LIPC: variants seen among roughly 807,000 people sequenced by gnomAD.
The protein encoded by LIPC is lipase C, hepatic type, also known as hepatic triacylglycerol lipase.
In LIPC, 44 loss-of-function variants were observed where a neutral mutation model predicts 50.7. The ratio of observed to expected loss-of-function variants is 0.87; its 90% confidence interval spans 0.68 to 1.11. The LOEUF (loss-of-function observed/expected upper bound fraction) is 1.11, where lower values mean the gene tolerates loss of function less well. Ranked by LOEUF, LIPC falls within the 50% of genes most tolerant of loss-of-function variation. The pLI, the probability that LIPC is intolerant of heterozygous loss-of-function variation, is 0.00. For missense variants in LIPC, 697 were observed against 648.2 expected, an observed-to-expected ratio of 1.08 and a Z score of -0.82; for synonymous variants, 271 against 256.4, an observed-to-expected ratio of 1.06 and a Z score of -0.54.
chr15:58,563,220 G>A (rs1894228945), intron 7 of LIPC, among the ~76,000 whole-genome samples: 1 of 152,188 alleles, frequency 6.6e-6, no homozygotes, highest in Non-Finnish European at 1.5e-5. Context: ...TAGAAGCTAA[G>A]CTAGAGAAAG....
At position 58,471,330 on chromosome 15, in the gene LIPC, G is replaced by GGGC. The variant is rs1555399318; in HGVS notation, c.88+39212_88+39213insCGG. 1.6e-4 allele frequency among the ~76,000 whole-genome samples: 19 copies of GGGC among 118,334 alleles called. 1 individual carries two copies. Among genetic ancestry groups the GGGC allele is most frequent in the African/African-American group, 2.6e-4 (8 of 30,420 alleles). 77.6% of individuals were successfully genotyped at this position (118,334 alleles called of 152,430 possible). ...TTTTTTTGTATTTTTAGTAGAGATG[G>GGGC]GGGGGGGTGGTCTCACCATGTTGGC... On this transcript the variant is annotated intron_variant, in intron 1 of 8. Coordinates refer to ENST00000299022, the MANE Select transcript of LIPC (RefSeq NM_000236.3).
chr15:58,495,141 G>C (rs1396164045), intron 1 of LIPC, among the ~76,000 whole-genome samples: 2 of 152,182 alleles, frequency 1.3e-5, no homozygotes, highest in African/African-American at 4.8e-5. Flanking sequence ...AGCAAGAAGA[G>C]CACTGGACTA....
intron 1 of LIPC, among the ~76,000 whole-genome samples, chr15:58,489,330 A>C (rs1251899717): frequency 6.6e-6 from 1 of 151,304 alleles, no homozygotes; most frequent in African/African-American, 2.4e-5. Flanking sequence ...AAACCAGTTC[A>C]CCAAGACCAC....
chr15:58,523,942 G>A (rs1348860547), intron 1 of LIPC, among the ~76,000 whole-genome samples: 2 of 152,014 alleles, frequency 1.3e-5, no homozygotes, highest in Admixed American at 1.3e-4. Flanking sequence ...AAAATACAAA[G>A]AAATAAAAGA....
intron 6 of LIPC, among the ~76,000 whole-genome samples, chr15:58,557,924 C>G (rs1894015272): frequency 6.6e-6 from 1 of 152,158 alleles, no homozygotes; most frequent in Non-Finnish European, 1.5e-5. Context: ...CAAGACTGTT[C>G]ATTTGTTACA....
chr15:58,515,506 T>C (rs1206343526), intron 1 of LIPC, among the ~76,000 whole-genome samples: 1 of 144,566 alleles, frequency 6.9e-6, no homozygotes, highest in African/African-American at 2.7e-5. Flanking sequence ...TAGTGTGATA[T>C]AAAAGAGGTC....
rs1894060317 is a variant in LIPC at position 58,455,087 on chromosome 15, A to G, written c.88+22967A>G. 3 of 152,268 alleles carry G rather than the reference A, an allele frequency of 2.0e-5. No individual in the cohort carries two copies. In the South Asian group the frequency reaches 6.2e-4, roughly 31 times the overall value. 9.4% of individuals were successfully genotyped at this position (152,268 alleles called of 1,614,324 possible). ...ATCTCTTCCCAACTCCGTTATCAGTAACATCACAGTGGGAGCTTAACAGCA... is the reference window on the plus strand; with the variant it reads ...ATCTCTTCCCAACTCCGTTATCAGTGACATCACAGTGGGAGCTTAACAGCA... On this transcript the variant is annotated intron_variant, in intron 1 of 8. Transcript: ENST00000299022.
intron 6 of LIPC, among the ~76,000 whole-genome samples, chr15:58,558,360 G>T (rs998276394): frequency 6.6e-6 from 1 of 152,120 alleles, no homozygotes; most frequent in Non-Finnish European, 1.5e-5. Flanking sequence ...GCAAGCCACC[G>T]TGCCCAGCCA....
intron 8 of LIPC, among the ~76,000 whole-genome samples, chr15:58,564,415 T>C (rs1894287502): frequency 6.6e-6 from 1 of 151,914 alleles, no homozygotes; most frequent in South Asian, 2.1e-4. Flanking sequence ...ACGAAGGAGC[T>C]GGGGTGGGGA....
intron 1 of LIPC, among the ~76,000 whole-genome samples, chr15:58,463,433 C>A (rs987152025): frequency 6.6e-6 from 1 of 152,164 alleles, no homozygotes; most frequent in Non-Finnish European, 1.5e-5. Context: ...TCTCCCACTC[C>A]TCTCCACCCT....
chr15:58,536,550 G>A (rs1893129500), intron 1 of LIPC, among the ~76,000 whole-genome samples: 1 of 152,134 alleles, frequency 6.6e-6, no homozygotes, highest in African/African-American at 2.4e-5. Flanking sequence ...TGAAGCTTTG[G>A]ACTGATCGAG....
intron 1 of LIPC, among the ~76,000 whole-genome samples, chr15:58,517,087 CTG>C (rs1892508104): frequency 6.6e-6 from 1 of 152,228 alleles, no homozygotes; most frequent in Non-Finnish European, 1.5e-5. Context: ...AATCCAAACA[CTG>C]TTTATGTTGT....
intron 1 of LIPC, among the ~76,000 whole-genome samples, chr15:58,434,473 G>A (rs550080761): frequency 4.6e-5 from 7 of 152,280 alleles, no homozygotes; most frequent in South Asian, 2.1e-4. Context: ...GCCGGCGGTC[G>A]CATAGCTGGT....
chr15:58,545,141 C>A (rs1893477089), intron 4 of LIPC, among the ~76,000 whole-genome samples: 1 of 152,128 alleles, frequency 6.6e-6, no homozygotes, highest in Admixed American at 6.5e-5. Context: ...AGCATATTGG[C>A]TTTTTTTGTA....
At chr15:58,448,341 G>A (rs529231240) in intron 1 of LIPC, among the ~76,000 whole-genome samples, 1 of 152,304 alleles carries the variant, frequency 6.6e-6, no homozygotes, top group East Asian at 1.9e-4. Context: ...CCCCATCAGG[G>A]TCCCCCAGCC....
intron 1 of LIPC, among the ~76,000 whole-genome samples, chr15:58,524,608 T>G (rs1171704184): frequency 6.6e-6 from 1 of 152,260 alleles, no homozygotes; most frequent in African/African-American, 2.4e-5. Context: ...AATCTGATGG[T>G]TGAGACTTGT....
intron 1 of LIPC, among the ~76,000 whole-genome samples, chr15:58,447,041 G>C (rs1893720724): frequency 1.3e-5 from 2 of 149,878 alleles, no homozygotes; most frequent in South Asian, 4.3e-4. Context: ...CCAGCTACTT[G>C]GGAGGCTGAG....
chr15:58,510,717 G>C (rs1892302816), intron 1 of LIPC, among the ~76,000 whole-genome samples: 1 of 152,192 alleles, frequency 6.6e-6, no homozygotes, highest in South Asian at 2.1e-4. Context: ...GTTTTAACTT[G>C]TAACTTGCTT....
intron 1 of LIPC, among the ~76,000 whole-genome samples, chr15:58,494,513 G>A (rs1891699933): frequency 6.6e-6 from 1 of 152,230 alleles, no homozygotes; most frequent in African/African-American, 2.4e-5. Flanking sequence ...CAATGCCTAT[G>A]AAAGTGCATT....
Sources: gnomAD v4.1 joint callset for allele counts (sites outside exome capture counted in the v4.1 genomes callset) on GRCh38, gnomAD v4.1.1 for gene constraint, MANE v1.5 for transcripts, NCBI Gene and HGNC (gene_info 2026-07-23, HGNC 2026-07-21) for gene names.